BLTP3B: variants seen among roughly 807,000 people sequenced by gnomAD.
The protein encoded by BLTP3B is bridge-like lipid transfer protein family member 3B, also known as UHRF1 (ICBP90) binding protein 1-like.
chr12:100,142,830 G>A, the BLTP3B span: 2 of 705,948 alleles, frequency 2.8e-6, no homozygotes, highest in South Asian at 2.0e-5. Context: ...GGCCGCCACG[G>A]CCGCCGCGGG....
the BLTP3B span, among the ~76,000 whole-genome samples, chr12:100,096,971 T>C: frequency 6.6e-6 from 1 of 152,170 alleles, no homozygotes; most frequent in East Asian, 1.9e-4. Flanking sequence ...TCCCAGCTAC[T>C]TGAGAAGCTG....
chr12:100,053,073 G>A, the BLTP3B span, among the ~76,000 whole-genome samples: 1 of 151,758 alleles, frequency 6.6e-6, no homozygotes, highest in Non-Finnish European at 1.5e-5. Flanking sequence ...GATTACAGGT[G>A]TAAACCACTG....
chr12:100,091,391 C>T, the BLTP3B span, among the ~76,000 whole-genome samples: 2 of 151,022 alleles, frequency 1.3e-5, no homozygotes, highest in East Asian at 2.0e-4. Flanking sequence ...GGTTTCACCA[C>T]GTTGGACAGG....
chr12:100,043,173 G>A, the BLTP3B span, among the ~76,000 whole-genome samples: 1 of 152,162 alleles, frequency 6.6e-6, no homozygotes, highest in African/African-American at 2.4e-5. Context: ...ACTTTCATAT[G>A]CACTGGTAAA....
the BLTP3B span, among the ~76,000 whole-genome samples, chr12:100,065,924 T>A: frequency 3.3e-5 from 5 of 152,200 alleles, no homozygotes; most frequent in African/African-American, 1.2e-4. Flanking sequence ...AATAAAAACC[T>A]GCTGGTTTTG....
At chr12:100,045,320 G>A in the BLTP3B span, among the ~76,000 whole-genome samples, 11 of 152,156 alleles carry the variant, frequency 7.2e-5, no homozygotes, top group Admixed American at 2.6e-4. Flanking sequence ...GAACAAAGCT[G>A]GAGGCATCAC....
the BLTP3B span, among the ~76,000 whole-genome samples, chr12:100,068,932 A>C: frequency 6.6e-6 from 1 of 152,214 alleles, no homozygotes; most frequent in African/African-American, 2.4e-5. Context: ...AACAGTGTGG[A>C]GATTCCTTAA....
the BLTP3B span, among the ~76,000 whole-genome samples, chr12:100,109,732 C>T: frequency 6.7e-6 from 1 of 149,640 alleles, no homozygotes; most frequent in Non-Finnish European, 1.5e-5. Flanking sequence ...TGCCACTGCA[C>T]TCCAGCCTGG....
chr12:100,111,470 G>C, the BLTP3B span, among the ~76,000 whole-genome samples: 1 of 151,570 alleles, frequency 6.6e-6, no homozygotes, highest in African/African-American at 2.4e-5. Flanking sequence ...AATTTACTTT[G>C]AGACAGGGTC....
At chr12:100,126,356 T>C in the BLTP3B span, among the ~76,000 whole-genome samples, 1 of 152,072 alleles carries the variant, frequency 6.6e-6, no homozygotes, top group Non-Finnish European at 1.5e-5. Flanking sequence ...AGGACTCTTG[T>C]TTTCCAAGCC....
At chr12:100,114,373 T>C in the BLTP3B span, among the ~76,000 whole-genome samples, 2 of 152,166 alleles carry the variant, frequency 1.3e-5, no homozygotes, top group Admixed American at 6.5e-5. Context: ...GAGAAACACA[T>C]AGCCACAACG....
At chr12:100,052,299 TC>T in the BLTP3B span, among the ~76,000 whole-genome samples, 2 of 152,146 alleles carry the variant, frequency 1.3e-5, no homozygotes, top group Non-Finnish European at 1.5e-5. Context: ...TGCCTTGGCC[TC>T]CCATAGTGCT....
the BLTP3B span, among the ~76,000 whole-genome samples, chr12:100,139,667 A>T: frequency 6.6e-6 from 1 of 152,196 alleles, no homozygotes; most frequent in Non-Finnish European, 1.5e-5. Context: ...AAAAAAAAGC[A>T]ATGTAAGAGA....
At chr12:100,075,091 A>G in the BLTP3B span, among the ~76,000 whole-genome samples, 9 of 151,252 alleles carry the variant, frequency 6.0e-5, no homozygotes, top group African/African-American at 2.2e-4. Flanking sequence ...AGCTCACTGC[A>G]ACCTCTGCCT....
chr12:100,142,546 G>C, the BLTP3B span: 1 of 1,593,374 alleles, frequency 6.3e-7, no homozygotes. Context: ...TCCAGTGCGG[G>C]CTGGGGTGGA....
the BLTP3B span, among the ~76,000 whole-genome samples, chr12:100,044,236 T>C: frequency 6.6e-6 from 1 of 152,202 alleles, no homozygotes; most frequent in Admixed American, 6.6e-5. Context: ...TTTTGATCTT[T>C]GTTGGCCTTT....
At chr12:100,068,132 T>C in the BLTP3B span, among the ~76,000 whole-genome samples, 1 of 152,172 alleles carries the variant, frequency 6.6e-6, no homozygotes, top group South Asian at 2.1e-4. Flanking sequence ...AACAGCATGG[T>C]ACTGTATAAA....
the BLTP3B span, among the ~76,000 whole-genome samples, chr12:100,043,677 AGTTT>A: frequency 6.6e-6 from 1 of 152,192 alleles, no homozygotes; most frequent in Non-Finnish European, 1.5e-5. Flanking sequence ...AGATACACCA[AGTTT>A]GTTAACTAGA....
chr12:100,080,187 G>A, the BLTP3B span, among the ~76,000 whole-genome samples: 49 of 152,220 alleles, frequency 3.2e-4, no homozygotes, highest in African/African-American at 6.3e-4. Context: ...GAAGGCCACC[G>A]TCCTCCTGAC....
Sources: gnomAD v4.1 joint callset for allele counts (sites outside exome capture counted in the v4.1 genomes callset) on GRCh38, gnomAD v4.1.1 for gene constraint, MANE v1.5 for transcripts, NCBI Gene and HGNC (gene_info 2026-07-23, HGNC 2026-07-21) for gene names.